The following ATP10A variants were observed in gnomAD, a reference collection of about 807,000 sequenced individuals.
The protein encoded by ATP10A is ATPase phospholipid transporting 10A (putative).
Under a neutral mutation model 147.8 loss-of-function variants are expected in ATP10A, and 111 were observed. The ratio of observed to expected loss-of-function variants is 0.75; its 90% CI spans 0.64 to 0.88. ATP10A has a LOEUF of 0.88. ATP10A is among the 40% of genes least tolerant of loss of function. The probability of loss-of-function intolerance (pLI) is 0.00; values close to 1 mark genes in which losing one functional copy is unlikely to be tolerated. For missense variants in ATP10A, 1,927 were observed against 1,959.0 expected (o/e 0.98, Z 0.31); for synonymous variants, 875 against 841.6 (o/e 1.04, Z -0.69).
At chr15:25,862,321 C>T (rs1048506626) in intron 1 of ATP10A, 14 of 549,156 alleles carry the variant, frequency 2.5e-5, no homozygotes, top group African/African-American at 2.2e-4. Flanking sequence ...CTGCCTTTCA[C>T]TTCAGGTGGG....
chr15:25,765,348 A>G (rs1276721599), intron 2 of ATP10A, among the ~76,000 whole-genome samples: 1 of 152,214 alleles, frequency 6.6e-6, no homozygotes, highest in Non-Finnish European at 1.5e-5. Context: ...CATTAGAAAC[A>G]CGTCTACCTG....
chr15:25,765,051 A>C (rs1888950918), intron 2 of ATP10A, among the ~76,000 whole-genome samples: 1 of 152,206 alleles, frequency 6.6e-6, no homozygotes, highest in African/African-American at 2.4e-5. Flanking sequence ...ACTTGCTTCT[A>C]GACGATTTTC....
chr15:25,735,633 G>A (rs1265456850), intron 3 of ATP10A, among the ~76,000 whole-genome samples: 3 of 152,168 alleles, frequency 2.0e-5, no homozygotes, highest in Non-Finnish European at 4.4e-5. Context: ...TGCCTTGAAT[G>A]CACCCAGCAT....
chr15:25,792,271 A>G (rs1373221898), intron 1 of ATP10A, among the ~76,000 whole-genome samples: 1 of 152,202 alleles, frequency 6.6e-6, no homozygotes, highest in Non-Finnish European at 1.5e-5. Context: ...CATTAGCTTC[A>G]GCGCTGAGAG....
rs1567328618 is a variant in ATP10A at position 25,718,260 on chromosome 15, G to A, written c.1503C>T (p.Ser501=). ...CGGCCCGGCTGCCCGTGCGCCGGTG[G>A]GACTTGGTGCTCTGGGTTCTGTGCA... is the stretch of plus-strand genomic sequence containing the variant. ...RVVHRTQSTK[S]HRRTGSRAEA... Residue 501 remains serine, a synonymous_variant, in exon 8 of 21, where the codon TCC becomes TCT. Transcript: ENST00000555815. 1.2e-6 allele frequency: 2 copies of A among 1,612,806 alleles called. No individual in the cohort carries two copies. The highest frequency in any genetic ancestry group is 8.5e-7 in the Non-Finnish European group (1 of 1,179,990).
intron 1 of ATP10A, among the ~76,000 whole-genome samples, chr15:25,784,288 G>A (rs577989318): frequency 4.7e-4 from 71 of 152,254 alleles, no homozygotes; most frequent in Non-Finnish European, 8.1e-4. Context: ...CCAGGAGACC[G>A]GGCAGTCCTG....
chr15:25,721,543 CGTGTGTGTGTGTGTGTGTGT>C, intron 7 of ATP10A, 94 bp downstream of exon 7: 8 of 748,318 alleles, frequency 1.1e-5, no homozygotes, highest in South Asian at 3.8e-5. Context: ...ATCCCTGAAG[CGTGTGTGTGTGTGTGTGTGT>C]GTGTGTGTGT....
chr15:25,783,296 C>T (rs1567380823), intron 1 of ATP10A, among the ~76,000 whole-genome samples: 2 of 152,198 alleles, frequency 1.3e-5, no homozygotes, highest in African/African-American at 2.4e-5. Flanking sequence ...CCCCATAAAA[C>T]TCTACTCTCA....
intron 2 of ATP10A, among the ~76,000 whole-genome samples, chr15:25,780,094 G>GC (rs1375114476): frequency 2.0e-5 from 3 of 152,212 alleles, no homozygotes; most frequent in African/African-American, 7.2e-5. Flanking sequence ...ATCGCTCACC[G>GC]CCCCACTCCC....
chr15:25,790,947 C>A (rs774178559), intron 1 of ATP10A, among the ~76,000 whole-genome samples: 2 of 152,086 alleles, frequency 1.3e-5, no homozygotes, highest in Admixed American at 6.6e-5. Flanking sequence ...CTTATTCCTA[C>A]GGAGAAGTTT....
chr15:25,841,535 C>T (rs953526539), intron 1 of ATP10A: 3 of 147,174 alleles, frequency 2.0e-5, no homozygotes, highest in South Asian at 2.1e-4. Context: ...ATCTTGTGGA[C>T]ATTTTTGGAC....
intron 1 of ATP10A, among the ~76,000 whole-genome samples, chr15:25,816,972 G>A (rs1891683552): frequency 7.9e-6 from 1 of 126,968 alleles, no homozygotes; most frequent in Non-Finnish European, 1.6e-5. Context: ...TTGTTAATGT[G>A]TAGGAAAAAA....
chr15:25,856,435 C>G (rs971361005), intron 1 of ATP10A, among the ~76,000 whole-genome samples: 1 of 152,082 alleles, frequency 6.6e-6, no homozygotes, highest in Admixed American at 6.6e-5. Context: ...TATAAATTAC[C>G]CAGTCTTGGG....
chr15:25,806,441 T>C (rs1474998804), intron 1 of ATP10A, among the ~76,000 whole-genome samples: 2 of 152,024 alleles, frequency 1.3e-5, no homozygotes, highest in Non-Finnish European at 2.9e-5. Flanking sequence ...GCCTCCCGAA[T>C]ACCTGGGACT....
chr15:25,861,948 G>C (rs1003830037), intron 1 of ATP10A: 2 of 271,290 alleles, frequency 7.4e-6, no homozygotes, highest in Non-Finnish European at 1.5e-5. Flanking sequence ...AAAAGAGCAG[G>C]AGTGGTCCAT....
chr15:25,823,003 A>G (rs2140848969), intron 1 of ATP10A, among the ~76,000 whole-genome samples: 1 of 152,332 alleles, frequency 6.6e-6, no homozygotes, highest in Non-Finnish European at 1.5e-5. Context: ...CATGAAAAAA[A>G]TAAGAACTAT....
chr15:25,840,849 C>A (rs768760500), intron 1 of ATP10A, among the ~76,000 whole-genome samples: 19 of 152,114 alleles, frequency 1.2e-4, no homozygotes, highest in African/African-American at 4.6e-4. Context: ...CTGATAGATG[C>A]GCAGTGGTAT....
intron 2 of ATP10A, among the ~76,000 whole-genome samples, chr15:25,777,612 T>C (rs973927947): frequency 4.0e-5 from 6 of 151,798 alleles, no homozygotes; most frequent in Non-Finnish European, 8.8e-5. Context: ...CATATATATA[T>C]ATTGGAGACA....
intron 7 of ATP10A, 89 bp from the exon 8 acceptor site, chr15:25,718,488 G>A (rs1265673147): frequency 3.0e-6 from 4 of 1,351,412 alleles, no homozygotes; most frequent in Non-Finnish European, 4.0e-6. Context: ...GGTTCCGCGA[G>A]GCTTCCGGCA....
Sources: allele counts gnomAD v4.1 joint callset (sites outside exome capture counted in the v4.1 genomes callset), GRCh38; gene constraint gnomAD v4.1.1; transcripts MANE v1.5; gene names NCBI Gene and HGNC (gene_info 2026-07-23, HGNC 2026-07-21).